The following REPS2 variants were observed in gnomAD, a reference collection of about 807,000 sequenced individuals.
REPS2 encodes RALBP1 associated Eps domain containing 2, also known as ralBP1-associated Eps domain-containing protein 2.
A neutral mutation model predicts 53.6 loss-of-function variants in REPS2; 23 were observed. The observed-to-expected ratio is 0.43, with a 90% CI of 0.31 to 0.61. REPS2 has a LOEUF of 0.61. Among genes scored for constraint, REPS2 ranks in the 20% least tolerant of loss-of-function variants. The pLI is 0.11. For missense variants in REPS2, 446 were observed against 534.9 expected, an observed-to-expected ratio of 0.83 and a Z score of 1.64; for synonymous variants, 238 against 218.6, an observed-to-expected ratio of 1.09 and a Z score of -0.78.
At chrX:17,038,116 C>T (rs190042338) in intron 5 of REPS2, among the ~76,000 whole-genome samples, 1 of 112,572 alleles carries the variant, frequency 8.9e-6, no homozygotes, top group East Asian at 2.8e-4. Flanking sequence ...ACACCTATAG[C>T]CTCTTGCTCT....
rs750896841 is a variant in REPS2, at chrX:17,031,899, C to G, written c.771+2276C>G. ...CTTATGAAATAATTAGTGTTGTTAT[C>G]CCATTTTCAGATGTCAGAACCTGAG... On this transcript the variant is annotated intron_variant, in intron 5 of 17. Transcript: ENST00000357277. Among the ~76,000 whole-genome samples the G allele has an allele frequency of 1.2e-4, 14 of 112,260 alleles. No individual in the cohort carries two copies. In the East Asian group the frequency reaches 3.6e-3, roughly 29 times the overall value.
intron 13 of REPS2, among the ~76,000 whole-genome samples, chrX:17,082,280 C>T (rs1404003519): frequency 1.8e-5 from 2 of 112,335 alleles, no homozygotes; most frequent in East Asian, 5.6e-4. Context: ...CGGGCATTTT[C>T]ATCATTTCCA....
intron 11 of REPS2, among the ~76,000 whole-genome samples, chrX:17,071,832 G>C (rs772472291): frequency 5.3e-4 from 59 of 112,059 alleles, no homozygotes; most frequent in African/African-American, 1.8e-3. Flanking sequence ...GAAGGTGGCA[G>C]TCCTTTTCCC....
At chrX:16,958,458 G>A (rs2060622971) in intron 1 of REPS2, among the ~76,000 whole-genome samples, 1 of 111,593 alleles carries the variant, frequency 9.0e-6, no homozygotes, top group African/African-American at 3.3e-5. Context: ...ATGCTCAAAG[G>A]GTTTTAGTGA....
At chrX:17,185,776 T>C in the REPS2 span, among the ~76,000 whole-genome samples, 1 of 111,464 alleles carries the variant, frequency 9.0e-6, no homozygotes, top group Non-Finnish European at 1.9e-5. Flanking sequence ...GATAAAAATC[T>C]TCTCAAAAGG....
chrX:17,018,253 C>T (rs1344446157), intron 2 of REPS2, among the ~76,000 whole-genome samples: 1 of 101,526 alleles, frequency 9.8e-6, no homozygotes, highest in African/African-American at 3.8e-5. Context: ...GTGACGTGAT[C>T]ATGGCTTACT....
chrX:17,165,056 C>CAT, the REPS2 span, among the ~76,000 whole-genome samples: 9 of 110,584 alleles, frequency 8.1e-5, no homozygotes, highest in East Asian at 2.3e-3. Flanking sequence ...CCACCACACA[C>CAT]ACACACATAC....
chrX:17,021,019 T>C (rs1193205818), intron 2 of REPS2, among the ~76,000 whole-genome samples: 1 of 112,265 alleles, frequency 8.9e-6, no homozygotes, highest in Non-Finnish European at 1.9e-5. Flanking sequence ...CTTCTTTGCC[T>C]GGGGAACTCT....
chrX:16,990,733 A>G (rs989998930), intron 1 of REPS2, among the ~76,000 whole-genome samples: 7 of 110,084 alleles, frequency 6.4e-5, no homozygotes, highest in African/African-American at 2.0e-4. Context: ...TATGGTTGTG[A>G]TATTGTACTG....
chrX:17,007,461 G>A (rs139793899), intron 2 of REPS2, among the ~76,000 whole-genome samples: 4,908 of 111,960 alleles, frequency 0.044, 118 homozygotes, highest in Middle Eastern at 0.12. Context: ...ACAGAGGTTC[G>A]TTTTCCACTT....
At chrX:17,060,030 G>A (rs998152859) in intron 8 of REPS2, among the ~76,000 whole-genome samples, 14 of 55,177 alleles carry the variant, frequency 2.5e-4, no homozygotes, top group African/African-American at 1.1e-3. Context: ...GCTGGGTGGG[G>A]TGGCTCACGC....
chrX:17,098,002 A>G (rs1229196738), intron 13 of REPS2, among the ~76,000 whole-genome samples: 2 of 111,328 alleles, frequency 1.8e-5, no homozygotes, highest in African/African-American at 3.3e-5. Context: ...TATACAACCT[A>G]TTTAAGAGTA....
intron 12 of REPS2, 25 bp from the exon 13 acceptor site, chrX:17,077,246 C>T: frequency 8.7e-7 from 1 of 1,154,221 alleles, no homozygotes; most frequent in Admixed American, 2.8e-5. Context: ...TATTTCGCTT[C>T]TGACCTTCCC....
the REPS2 span, among the ~76,000 whole-genome samples, chrX:17,168,384 C>A: frequency 3.6e-5 from 4 of 111,383 alleles, no homozygotes; most frequent in African/African-American, 1.3e-4. Context: ...CATGGTAGTG[C>A]ATGCCTGTAG....
At chrX:16,950,192 C>T (rs1475443903) in intron 1 of REPS2, among the ~76,000 whole-genome samples, 1 of 110,894 alleles carries the variant, frequency 9.0e-6, no homozygotes, top group Non-Finnish European at 1.9e-5. Flanking sequence ...AAAATTCCTT[C>T]ATGTCTTTTT....
At chrX:17,067,996 A>G (rs889628985) in intron 9 of REPS2, among the ~76,000 whole-genome samples, 1 of 112,270 alleles carries the variant, frequency 8.9e-6, no homozygotes, top group African/African-American at 3.2e-5. Context: ...GCAGATGGAA[A>G]TGGTGGCAAG....
intron 14 of REPS2, 98 bp downstream of exon 14, chrX:17,103,877 C>A (rs2062838985): frequency 6.4e-6 from 5 of 775,205 alleles, no homozygotes; most frequent in Non-Finnish European, 9.8e-6. Context: ...AGATCTGGTC[C>A]ATGAGATTCC....
intron 1 of REPS2, among the ~76,000 whole-genome samples, chrX:16,999,692 A>G (rs754899829): frequency 2.7e-5 from 3 of 111,899 alleles, no homozygotes; most frequent in South Asian, 7.4e-4. Flanking sequence ...GTGTTCACAA[A>G]TGCATAAAGA....
intron 14 of REPS2, among the ~76,000 whole-genome samples, chrX:17,119,434 A>G (rs1373174775): frequency 8.9e-6 from 1 of 112,246 alleles, no homozygotes; most frequent in Non-Finnish European, 1.9e-5. Flanking sequence ...TGTTATATAA[A>G]GCTCACTCTG....
Sources: allele counts gnomAD v4.1 joint callset (sites outside exome capture counted in the v4.1 genomes callset), GRCh38; gene constraint gnomAD v4.1.1; transcripts MANE v1.5; gene names NCBI Gene and HGNC (gene_info 2026-07-23, HGNC 2026-07-21).